LMO7: variants seen among roughly 807,000 people sequenced by gnomAD.
LMO7 encodes LIM domain only protein 7.
A neutral mutation model predicts 206.5 loss-of-function variants in LMO7; 120 were observed. The observed-to-expected ratio is 0.58, with a 90% CI of 0.50 to 0.68. The LOEUF is 0.68. Ranked by LOEUF, LMO7 falls within the 30% of genes least tolerant of loss-of-function variation. The pLI is 0.00. For missense variants in LMO7, 1,959 were observed against 1,957.9 expected (o/e 1.00, Z -0.01); for synonymous variants, 706 against 681.5 (o/e 1.04, Z -0.56).
chr13:75,664,364 G>T (rs925008334), intron 1 of LMO7, among the ~76,000 whole-genome samples: 20 of 152,058 alleles, frequency 1.3e-4, no homozygotes, highest in Non-Finnish European at 2.6e-4. Flanking sequence ...ACAGTGTCTT[G>T]TTCTTTTTTA....
chr13:75,844,620 G>C (rs1254943203), intron 25 of LMO7, among the ~76,000 whole-genome samples: 1 of 151,686 alleles, frequency 6.6e-6, no homozygotes, highest in East Asian at 1.9e-4. Flanking sequence ...TGTTAGCCAG[G>C]GTGGCTTCAA....
intron 20 of LMO7, chr13:75,839,597 G>A (rs2059409781): frequency 6.5e-6 from 1 of 153,762 alleles, no homozygotes; most frequent in African/African-American, 2.4e-5. Context: ...GAACATGTTT[G>A]TTGTGGTGAC....
intron 1 of LMO7, among the ~76,000 whole-genome samples, chr13:75,640,505 T>C (rs1013064949): frequency 3.9e-5 from 6 of 152,212 alleles, no homozygotes; most frequent in Non-Finnish European, 5.9e-5. Context: ...TCAACCTTTA[T>C]GTGAAGCCTT....
chr13:75,841,079 T>G, intron 22 of LMO7, 30 bp from the exon 23 acceptor site: 1 of 1,365,732 alleles, frequency 7.3e-7, no homozygotes, highest in South Asian at 1.2e-5. Context: ...GTTAATCTAT[T>G]GGATTAATAT....
chr13:75,843,780 G>A (rs1352396824), intron 25 of LMO7, among the ~76,000 whole-genome samples: 3 of 152,124 alleles, frequency 2.0e-5, no homozygotes, highest in Admixed American at 6.5e-5. Context: ...AAATATTGAG[G>A]GTAGGGCCAT....
chr13:75,823,584 A>G lies in LMO7; in HGVS notation c.2660A>G (p.Tyr887Cys). The change falls in exon 15 of 31, where the codon TAT becomes TGT. Residue 887 changes from tyrosine to cysteine, a missense_variant. By Grantham distance (194) the Tyr-to-Cys change is radical. Transcript: ENST00000377534. Reference protein sequence around the residue: ...RSYTMDDAWKYNGDVEDIKRT... With the variant: ...RSYTMDDAWKCNGDVEDIKRT... ...ATTTAGATGGATGATGCTTGGAAGT[A>G]TAATGGAGATGTTGAAGACATTAAG... The G allele has an allele frequency of 6.2e-7, 1 of 1,612,770 alleles. No individual in the cohort carries two copies. Among genetic ancestry groups the G allele is most frequent in the Non-Finnish European group, 8.5e-7 (1 of 1,178,770 alleles).
chr13:75,704,768 C>T (rs1240597227), intron 1 of LMO7, among the ~76,000 whole-genome samples: 5 of 152,054 alleles, frequency 3.3e-5, no homozygotes, highest in Admixed American at 1.3e-4. Flanking sequence ...TGGAACTGAG[C>T]GATAGAGCTT....
chr13:75,695,989 C>T (rs2041870136), intron 1 of LMO7, among the ~76,000 whole-genome samples: 1 of 152,196 alleles, frequency 6.6e-6, no homozygotes, highest in Non-Finnish European at 1.5e-5. Context: ...TGCTGCAGTA[C>T]TCAGAATGTG....
intron 3 of LMO7, among the ~76,000 whole-genome samples, chr13:75,753,806 A>G (rs1214497247): frequency 6.6e-6 from 1 of 152,208 alleles, no homozygotes; most frequent in Non-Finnish European, 1.5e-5. Flanking sequence ...CTCTTTTCTT[A>G]TAAATTACCC....
chr13:75,751,829 G>C lies in LMO7; in HGVS notation c.211-9103G>C, dbSNP rs577357705. Reference sequence around the variant, plus strand: ...GTGGGTCTAACTGGCTTGATCTTATGAGTAGACATTTCTGTATTGCTACAT... The same window carrying C: ...GTGGGTCTAACTGGCTTGATCTTATCAGTAGACATTTCTGTATTGCTACAT... On this transcript the variant is annotated intron_variant, in intron 3 of 30. Coordinates refer to ENST00000377534, the MANE Select transcript of LMO7 (RefSeq NM_001306080.2). Among the ~76,000 whole-genome samples, 15 of 152,296 alleles carry C rather than the reference G, an allele frequency of 9.8e-5. No homozygotes were observed. The East Asian group carries it at 2.5e-3, about 25-fold the overall frequency.
chr13:75,856,737 G>A, intron 30 of LMO7, 129 bp downstream of exon 30: 1 of 654,606 alleles, frequency 1.5e-6, no homozygotes, highest in Non-Finnish European at 2.8e-6. Context: ...TTCAAGAATT[G>A]TAGTGTGTTC....
intron 2 of LMO7, among the ~76,000 whole-genome samples, chr13:75,713,881 T>C (rs2043314528): frequency 6.6e-6 from 1 of 152,166 alleles, no homozygotes; most frequent in African/African-American, 2.4e-5. Flanking sequence ...ATAGTACAGT[T>C]AGTCAAGTAT....
At position 75,796,746 on chromosome 13, in the gene LMO7, G is replaced by A. The variant is rs780162788; in HGVS notation, c.459G>A (p.Thr153=). 1.1e-5 allele frequency: 18 copies of A among 1,571,612 alleles called. No homozygotes were observed. The highest frequency in any genetic ancestry group is 1.4e-5 in the Non-Finnish European group (16 of 1,141,442). Residue 153 remains threonine (T), a synonymous_variant, in exon 6 of 31, where the codon ACG becomes ACA. Transcript: ENST00000377534. ...AGAATCTTTTAGGACAAGCACTGAC[G>A]AAGGTAAGTAAACTACATCTGTGTG... ...AFENLLGQAL[T]KALEDSSFLK... is the part of the protein sequence containing the mutation.
chr13:75,639,394 G>A (rs779254428), intron 1 of LMO7, among the ~76,000 whole-genome samples: 1 of 152,136 alleles, frequency 6.6e-6, no homozygotes, highest in Non-Finnish European at 1.5e-5. Flanking sequence ...CTTTAAGATC[G>A]CTCAACATAA....
intron 6 of LMO7, among the ~76,000 whole-genome samples, chr13:75,797,403 C>A (rs1426868382): frequency 1.3e-5 from 2 of 152,204 alleles, no homozygotes; most frequent in East Asian, 3.8e-4. Context: ...GACCGTAGTT[C>A]TGCCAAATCT....
At chr13:75,625,361 T>G (rs2033888271) in intron 2 of LMO7, among the ~76,000 whole-genome samples, 2 of 152,216 alleles carry the variant, frequency 1.3e-5, no homozygotes, top group South Asian at 4.1e-4. Flanking sequence ...AGCACTTCTT[T>G]AAATAATAGA....
intron 1 of LMO7, among the ~76,000 whole-genome samples, chr13:75,709,745 G>A (rs1006729025): frequency 2.0e-4 from 31 of 152,118 alleles, no homozygotes; most frequent in Non-Finnish European, 1.2e-4. Context: ...CCATTCTGTA[G>A]GTTGCCTGTT....
At chr13:75,809,101 C>T in intron 10 of LMO7, 53 bp from the exon 11 acceptor site, 1 of 1,394,428 alleles carries the variant, frequency 7.2e-7, no homozygotes, top group Non-Finnish European at 1.0e-6. Flanking sequence ...CGTTTAGAAA[C>T]TAATATGACT....
At chr13:75,633,285 G>A (rs903250550), upstream of LMO7, among the ~76,000 whole-genome samples, 4 of 152,348 alleles carry the variant, frequency 2.6e-5, no homozygotes, top group Middle Eastern at 3.4e-3. Flanking sequence ...AGATGGTTCA[G>A]TCAGTGGCCT....
Sources: gnomAD v4.1 joint callset for allele counts (sites outside exome capture counted in the v4.1 genomes callset) on GRCh38, gnomAD v4.1.1 for gene constraint, MANE v1.5 for transcripts, NCBI Gene and HGNC (gene_info 2026-07-23, HGNC 2026-07-21) for gene names.